The following SLC25A21 variants were observed in gnomAD, a reference collection of about 807,000 sequenced individuals.
The protein encoded by SLC25A21 is mitochondrial 2-oxodicarboxylate carrier.
A neutral mutation model predicts 43.8 loss-of-function variants in SLC25A21; 47 were observed. That is an observed-to-expected ratio of 1.07 (90% CI 0.85 to 1.37). The LOEUF (loss-of-function observed/expected upper bound fraction) is 1.37. Among genes scored for constraint, SLC25A21 ranks in the 40% most tolerant of loss-of-function variants. SLC25A21 has a pLI of 0.00. For synonymous variants in SLC25A21, 131 were observed against 121.3 expected (o/e 1.08, Z -0.52); for missense variants, 352 against 350.2 (o/e 1.00, Z -0.04).
chr14:37,169,580 A>AACACACACACACACACACACAC (rs1321339179), intron 1 of SLC25A21, among the ~76,000 whole-genome samples: 4 of 145,292 alleles, frequency 2.8e-5, no homozygotes, highest in African/African-American at 7.5e-5. Context: ...AAAAGGTCAT[A>AACACACACACACACACACACAC]ACACACACAC....
chr14:36,860,651 A>T (rs528507774), intron 2 of SLC25A21, among the ~76,000 whole-genome samples: 2 of 152,352 alleles, frequency 1.3e-5, no homozygotes, highest in Admixed American at 6.5e-5. Flanking sequence ...TTCTCACTTT[A>T]GGAGAGCATC....
chr14:37,142,184 G>C (rs757377448), intron 1 of SLC25A21, among the ~76,000 whole-genome samples: 11 of 152,154 alleles, frequency 7.2e-5, no homozygotes, highest in Non-Finnish European at 1.5e-5. Context: ...ACCTTATGGA[G>C]AAAGATTCTG....
At chr14:36,697,787 T>C (rs576654342) in intron 7 of SLC25A21, among the ~76,000 whole-genome samples, 26 of 147,742 alleles carry the variant, frequency 1.8e-4, no homozygotes, top group Non-Finnish European at 3.5e-4. Flanking sequence ...TCCATCCCTT[T>C]ATTTTGAGCC....
rs116978881 is a variant in SLC25A21, at chr14:36,744,839, C to T, written c.204-10266G>A. 8.9e-4 allele frequency among the ~76,000 whole-genome samples: 132 copies of T among 148,140 alleles called. 2 individuals are homozygous for T. In the East Asian group the frequency reaches 0.025, roughly 28 times the overall value. On this transcript the variant is annotated intron_variant, in intron 3 of 9. Transcript: ENST00000331299. ...ACATATAACCTCATTAAAAAGTGGGCAAAGTTCATGAACAGGCATTTTTCT... is the reference window on the plus strand; with the variant it reads ...ACATATAACCTCATTAAAAAGTGGGTAAAGTTCATGAACAGGCATTTTTCT...
At chr14:36,987,496 T>C (rs892791999) in intron 1 of SLC25A21, among the ~76,000 whole-genome samples, 3 of 152,188 alleles carry the variant, frequency 2.0e-5, no homozygotes, top group Admixed American at 6.5e-5. Context: ...CATTTTGGGG[T>C]GTCTAACACT....
At chr14:36,683,722 CTT>C in intron 9 of SLC25A21, 104 bp downstream of exon 9, 1 of 747,766 alleles carries the variant, frequency 1.3e-6, no homozygotes, top group Non-Finnish European at 2.2e-6. Context: ...AGGTTTCTGT[CTT>C]TTACAAAGTG....
chr14:36,990,220 C>T (rs1960233435), intron 1 of SLC25A21, among the ~76,000 whole-genome samples: 1 of 152,158 alleles, frequency 6.6e-6, no homozygotes, highest in Non-Finnish European at 1.5e-5. Context: ...CTGTCTAAGA[C>T]AGCGGATGTG....
intron 1 of SLC25A21, among the ~76,000 whole-genome samples, chr14:36,998,244 T>C (rs905169009): frequency 9.9e-5 from 15 of 152,204 alleles, no homozygotes; most frequent in Admixed American, 1.3e-4. Context: ...GGATATAGAA[T>C]GTGGTGTTTC....
intron 1 of SLC25A21, among the ~76,000 whole-genome samples, chr14:37,068,262 G>C (rs745705480): frequency 6.6e-6 from 1 of 152,192 alleles, no homozygotes; most frequent in Non-Finnish European, 1.5e-5. Context: ...TGATGAAAGG[G>C]AAGCCAACTA....
At chr14:37,005,283 T>C (rs761786870) in intron 1 of SLC25A21, among the ~76,000 whole-genome samples, 4 of 149,224 alleles carry the variant, frequency 2.7e-5, no homozygotes, top group South Asian at 4.4e-4. Flanking sequence ...TAGGATTCCA[T>C]TGCATTTGGA....
chr14:37,052,039 T>C (rs1961718746), intron 1 of SLC25A21, among the ~76,000 whole-genome samples: 1 of 152,132 alleles, frequency 6.6e-6, no homozygotes, highest in Admixed American at 6.5e-5. Context: ...CTTTACACTG[T>C]GGCTTTATGT....
chr14:37,121,293 C>A (rs951931375), intron 1 of SLC25A21, among the ~76,000 whole-genome samples: 1 of 152,120 alleles, frequency 6.6e-6, no homozygotes, highest in African/African-American at 2.4e-5. Flanking sequence ...CATGACAGGG[C>A]ACGATTTTTC....
intron 1 of SLC25A21, among the ~76,000 whole-genome samples, chr14:37,111,107 A>G (rs1340669387): frequency 6.6e-6 from 1 of 152,184 alleles, no homozygotes; most frequent in Non-Finnish European, 1.5e-5. Context: ...GTTTTCTTAT[A>G]AAGTAAGAAA....
intron 1 of SLC25A21, among the ~76,000 whole-genome samples, chr14:37,151,659 G>T (rs1404842833): frequency 6.6e-6 from 1 of 152,156 alleles, no homozygotes; most frequent in African/African-American, 2.4e-5. Flanking sequence ...GAGAGCTCAA[G>T]CTTTGAAAGC....
chr14:36,805,434 T>C (rs533208294), intron 3 of SLC25A21, among the ~76,000 whole-genome samples: 16 of 152,260 alleles, frequency 1.1e-4, no homozygotes, highest in African/African-American at 3.8e-4. Context: ...AACAGAACTC[T>C]GGGCCATTGA....
At chr14:36,764,174 AAGAAAGAAAGAAAGAAAGAGAAAG>A (rs1886302631) in intron 3 of SLC25A21, among the ~76,000 whole-genome samples, 1 of 75,846 alleles carries the variant, frequency 1.3e-5, no homozygotes, top group African/African-American at 7.0e-5. Flanking sequence ...GAAAGAAAGA[AAGAAAGAAAGAAAGAAAGAGAAAG>A]AAAGAAACTG....
At chr14:37,108,679 G>C (rs1041148411) in intron 1 of SLC25A21, among the ~76,000 whole-genome samples, 12 of 151,034 alleles carry the variant, frequency 7.9e-5, no homozygotes, top group African/African-American at 2.9e-4. Context: ...TACATACTGG[G>C]AATTAAAAGA....
intron 3 of SLC25A21, among the ~76,000 whole-genome samples, chr14:36,809,476 C>T (rs1888156596): frequency 6.6e-6 from 1 of 151,970 alleles, no homozygotes; most frequent in Non-Finnish European, 1.5e-5. Flanking sequence ...TTTCATAAGA[C>T]ATGGTTTTTA....
At chr14:36,791,200 CT>C (rs1887473425) in intron 3 of SLC25A21, among the ~76,000 whole-genome samples, 1 of 152,080 alleles carries the variant, frequency 6.6e-6, no homozygotes, top group African/African-American at 2.4e-5. Flanking sequence ...ACATAAACAT[CT>C]TTTCAAACCA....
Sources: allele counts gnomAD v4.1 joint callset (sites outside exome capture counted in the v4.1 genomes callset), GRCh38; gene constraint gnomAD v4.1.1; transcripts MANE v1.5; gene names NCBI Gene and HGNC (gene_info 2026-07-23, HGNC 2026-07-21).